Variants in RCOR3 observed in about 807,000 individuals in gnomAD.
RCOR3 encodes the protein REST corepressor 3.
Under a neutral mutation model 64.1 loss-of-function variants are expected in RCOR3, and 13 were observed. The observed-to-expected ratio is 0.20, with a 90% CI of 0.13 to 0.32. The LOEUF is 0.32. RCOR3 is among the 10% of genes least tolerant of loss of function. RCOR3 has a pLI of 1.00. For missense variants in RCOR3, 489 were observed against 701.2 expected, an observed-to-expected ratio of 0.70 and a Z score of 3.42; for synonymous variants, 215 against 239.0, an observed-to-expected ratio of 0.90 and a Z score of 0.93.
chr1:211,294,126 A>G (rs1381269301), intron 8 of RCOR3, among the ~76,000 whole-genome samples: 4 of 152,242 alleles, frequency 2.6e-5, no homozygotes, highest in Admixed American at 2.0e-4. Flanking sequence ...AAATTTGAGC[A>G]TAACATGAAT....
At chr1:211,287,983 G>A (rs1293136629) in intron 7 of RCOR3, among the ~76,000 whole-genome samples, 2 of 152,204 alleles carry the variant, frequency 1.3e-5, no homozygotes, top group Admixed American at 6.5e-5. Flanking sequence ...CCCAAGGTAG[G>A]CAGATCACTT....
At chr1:211,263,616 T>C (rs779443287) in intron 2 of RCOR3, among the ~76,000 whole-genome samples, 3 of 152,218 alleles carry the variant, frequency 2.0e-5, no homozygotes, top group Non-Finnish European at 4.4e-5. Context: ...GCTAATCTTA[T>C]CAATCAAATG....
chr1:211,288,178 C>T (rs972949184), intron 7 of RCOR3, among the ~76,000 whole-genome samples: 16 of 151,064 alleles, frequency 1.1e-4, no homozygotes, highest in Non-Finnish European at 1.8e-4. Context: ...TGCCACTGCA[C>T]TTAGCCTGGG....
chr1:211,275,266 A>G (rs1228050988), intron 4 of RCOR3, among the ~76,000 whole-genome samples: 1 of 152,062 alleles, frequency 6.6e-6, no homozygotes, highest in Non-Finnish European at 1.5e-5. Context: ...TTTATAGTCC[A>G]GTTACATGGT....
intron 10 of RCOR3, among the ~76,000 whole-genome samples, chr1:211,308,951 G>A (rs1447414723): frequency 5.3e-5 from 8 of 151,478 alleles, no homozygotes; most frequent in African/African-American, 1.9e-4. Context: ...ACTTCAAGTG[G>A]TCTGTCTGCC....
At chr1:211,277,098 A>AC (rs1459163413) in intron 5 of RCOR3, among the ~76,000 whole-genome samples, 30 of 145,330 alleles carry the variant, frequency 2.1e-4, no homozygotes, top group African/African-American at 6.1e-4. Flanking sequence ...AAAAAAAAAC[A>AC]AAAAAAACAA....
intron 2 of RCOR3, among the ~76,000 whole-genome samples, chr1:211,262,337 TA>T (rs1694469116): frequency 6.6e-6 from 1 of 152,084 alleles, no homozygotes; most frequent in African/African-American, 2.4e-5. Flanking sequence ...GCCCAGCCTA[TA>T]AAAACTAATG....
rs376656784 is a variant in RCOR3 at position 211,297,494 on chromosome 1, G to A, written c.1017+1741G>A. Among the ~76,000 whole-genome samples, 16 of 152,154 alleles carry A rather than the reference G, an allele frequency of 1.1e-4. 1 individual carries two copies. The East Asian group carries it at 3.1e-3, about 29-fold the overall frequency. ...GTCATGTTGCCTCTTACATTTGGAAGTTTTTATGTAATAGCAAAATTGTAT... is the reference window on the plus strand; with the variant it reads ...GTCATGTTGCCTCTTACATTTGGAAATTTTTATGTAATAGCAAAATTGTAT... On this transcript the variant is annotated intron_variant, in intron 9 of 11. Transcript: ENST00000419091.
At chr1:211,308,581 T>G (rs1302728844) in intron 10 of RCOR3, among the ~76,000 whole-genome samples, 1 of 151,834 alleles carries the variant, frequency 6.6e-6, no homozygotes, top group African/African-American at 2.4e-5. Flanking sequence ...TTTAAGAAAT[T>G]TTGCTGTGAA....
chr1:211,272,314 TACAG>T (rs1696316853), intron 3 of RCOR3, among the ~76,000 whole-genome samples: 1 of 152,198 alleles, frequency 6.6e-6, no homozygotes, highest in South Asian at 2.1e-4. Flanking sequence ...CAATCCTCAT[TACAG>T]ACAAAGGTTT....
At chr1:211,307,663 G>A (rs1700991553) in intron 10 of RCOR3, among the ~76,000 whole-genome samples, 1 of 151,436 alleles carries the variant, frequency 6.6e-6, no homozygotes, top group Admixed American at 6.6e-5. Flanking sequence ...CTAGAAGCAT[G>A]GTATACAGTA....
chr1:211,285,437 C>G (rs1465864311), intron 7 of RCOR3, among the ~76,000 whole-genome samples: 1 of 152,176 alleles, frequency 6.6e-6, no homozygotes, highest in Non-Finnish European at 1.5e-5. Context: ...CGTAATCAAT[C>G]CCGGAAGCAC....
chr1:211,311,634 A>G (rs1701496467), intron 10 of RCOR3, among the ~76,000 whole-genome samples: 1 of 152,122 alleles, frequency 6.6e-6, no homozygotes, highest in Non-Finnish European at 1.5e-5. Context: ...CTGTGATCAT[A>G]TACATGTTAT....
chr1:211,259,413 G>A lies in RCOR3; in HGVS notation c.-148G>A, dbSNP rs1462117796. On this transcript the variant is annotated 5_prime_UTR_variant, in exon 1 of 12. Coordinates refer to ENST00000419091, the MANE Select transcript of RCOR3 (RefSeq NM_001136223.3). ...ACTGCCGGAGCGGGGCGGTTATGGC[G>A]GCTCCATATTAACAGCCTCCTCCTC... 5 of 712,704 alleles carry A rather than the reference G, an allele frequency of 7.0e-6. No homozygotes were observed. The highest frequency in any genetic ancestry group is 3.9e-5 in the African/African-American group (2 of 51,848). 44.1% of individuals were successfully genotyped at this position (712,704 alleles called of 1,614,324 possible).
chr1:211,273,995 A>G (rs1463255358), intron 3 of RCOR3, among the ~76,000 whole-genome samples: 1 of 152,160 alleles, frequency 6.6e-6, no homozygotes, highest in Non-Finnish European at 1.5e-5. Flanking sequence ...GTGTAGTCGT[A>G]GAGATAAGTT....
intron 2 of RCOR3, among the ~76,000 whole-genome samples, chr1:211,264,614 G>A (rs186161262): frequency 6.6e-6 from 1 of 152,278 alleles, no homozygotes; most frequent in East Asian, 1.9e-4. Context: ...AGTCCAGGAA[G>A]TTGAGGCTGC....
intron 10 of RCOR3, among the ~76,000 whole-genome samples, chr1:211,307,490 A>AGGAATTTAAAAAG (rs1700969006): frequency 6.6e-6 from 1 of 150,590 alleles, no homozygotes; most frequent in Non-Finnish European, 1.5e-5. Flanking sequence ...CAAAAAAAAA[A>AGGAATTTAAAAAG]GAATTTAAAA....
chr1:211,281,078 G>A (rs1697743856), intron 7 of RCOR3, among the ~76,000 whole-genome samples: 1 of 151,640 alleles, frequency 6.6e-6, no homozygotes, highest in Non-Finnish European at 1.5e-5. Context: ...CTTTAGTCAG[G>A]CAGCTTCTGT....
intron 2 of RCOR3, among the ~76,000 whole-genome samples, chr1:211,263,884 G>T (rs960381284): frequency 6.6e-6 from 1 of 151,768 alleles, no homozygotes; most frequent in African/African-American, 2.4e-5. Flanking sequence ...GCAGTGGTGC[G>T]ATCTTGGCTC....
Sources: allele counts gnomAD v4.1 joint callset (sites outside exome capture counted in the v4.1 genomes callset), GRCh38; gene constraint gnomAD v4.1.1; transcripts MANE v1.5; gene names NCBI Gene and HGNC (gene_info 2026-07-23, HGNC 2026-07-21).